MLNR: variants seen among roughly 807,000 people sequenced by gnomAD.
MLNR encodes the protein motilin receptor, also known as G protein-coupled receptor 38.
MLNR carries 16 observed loss-of-function variants against 20.0 expected under a neutral mutation model. The ratio of observed to expected loss-of-function variants is 0.80; its 90% confidence interval spans 0.54 to 1.22. The LOEUF is 1.22. MLNR is among the 50% of genes most tolerant of loss of function. The pLI is 0.00. For synonymous variants in MLNR, 302 were observed against 287.2 expected (o/e 1.05, Z -0.52); for missense variants, 630 against 592.3 (o/e 1.06, Z -0.66).
At position 49,222,248 on chromosome 13, in the gene MLNR, G is replaced by A; in HGVS notation, c.1110G>A (p.Leu370=). 6.2e-7 allele frequency: 1 copy of A among 1,614,098 alleles called. No individual in the cohort carries two copies. The highest frequency in any genetic ancestry group is 8.5e-7 in the Non-Finnish European group (1 of 1,180,024). The part of the protein sequence containing the change: ...KKYRAAAFKL[L]LARKSRPRGF... Reference sequence around the variant, plus strand: ...ACAGAGCGGCGGCCTTTAAACTGCTGCTCGCAAGGAAGTCCAGGCCGAGAG... The same window carrying A: ...ACAGAGCGGCGGCCTTTAAACTGCTACTCGCAAGGAAGTCCAGGCCGAGAG... The change falls in exon 2 of 2, where the codon CTG becomes CTA. Residue 370 remains leucine, a synonymous_variant. Transcript: ENST00000218721.
chr13:49,221,107 TC>T lies in MLNR; in HGVS notation c.772del (p.Leu258CysfsTer51). 6.3e-7 allele frequency: 1 copy of T among 1,591,776 alleles called. No homozygotes were observed. Among genetic ancestry groups the T allele is most frequent in the Non-Finnish European group, 8.5e-7 (1 of 1,177,128 alleles). On this transcript the variant is annotated frameshift_variant, in exon 1 of 2. Transcript: ENST00000218721. LOFTEE classifies it high-confidence loss of function. The stretch of plus-strand genomic sequence containing the variant: ...CTGTGGGTCACCACCGCCTACTTCT[TC>T]CTGCCCTTTCTGTGCCTCAGCATCC... The part of the protein sequence containing the change: ...VMLWVTTAYF[F>X]LPFLCLSILY...
rs763769826 is a variant in MLNR, at chr13:49,220,464, G to T, written c.127G>T (p.Ala43Ser). Residue 43 changes from alanine to serine, a missense_variant, in exon 1 of 2, where the codon GCT becomes TCT. Physicochemically the swap from Ala to Ser is moderately conservative, Grantham distance 99. Transcript: ENST00000218721. The surrounding 1 kb of genome is among the most constrained non-coding windows in gnomAD (Gnocchi z 4.4). ...CCTGGGGGCGCTGGTGCCGGTGACC[G>T]CTGTGTGCCTGTGCCTGTTCGTCGT... ...FPLGALVPVTAVCLCLFVVGV... is the reference protein window; with the variant it reads ...FPLGALVPVTSVCLCLFVVGV... 1.9e-6 allele frequency: 3 copies of T among 1,570,938 alleles called. No individual in the cohort carries two copies. Among genetic ancestry groups the T allele is most frequent in the Non-Finnish European group, 1.7e-6 (2 of 1,161,204 alleles).
chr13:49,220,617 G>T lies in MLNR; in HGVS notation c.280G>T (p.Asp94Tyr). Residue 94 changes from aspartate to tyrosine, a missense_variant, in exon 1 of 2, where the codon GAC becomes TAC. Transcript: ENST00000218721. The surrounding 1 kb of genome is among the most constrained non-coding windows in gnomAD (Gnocchi z 4.4). ...ACTCATCCTGCTCGGGCTGCCGTTC[G>T]ACCTGTACCGCCTCTGGCGCTCGCG... ...DLLILLGLPF[D>Y]LYRLWRSRPW... 6.2e-7 allele frequency: 1 copy of T among 1,612,360 alleles called. No homozygotes were observed. Among genetic ancestry groups the T allele is most frequent in the Non-Finnish European group, 8.5e-7 (1 of 1,179,422 alleles).
Position 49,220,396 on chromosome 13 carries a change from C to A in MLNR, c.59C>A (p.Pro20His). ...GAGGGGGCGCGGGAGCCGCCGTGGC[C>A]CGCGCTGCCGCCTTGCGACGAGCGC... ...GPEGAREPPW[P>H]ALPPCDERRC... is the part of the protein sequence containing the mutation. Residue 20 changes from proline (P) to histidine (H), a missense_variant, in exon 1 of 2, where the codon CCC becomes CAC. Coordinates refer to ENST00000218721, the MANE Select transcript of MLNR (RefSeq NM_001507.1). The surrounding 1 kb of genome is among the most constrained non-coding windows in gnomAD (Gnocchi z 4.4). 1 of 1,506,180 alleles carries A rather than the reference C, an allele frequency of 6.6e-7. No homozygotes were observed. The highest frequency in any genetic ancestry group is 8.8e-7 in the Non-Finnish European group (1 of 1,133,622). 93.3% of individuals were successfully genotyped at this position (1,506,180 alleles called of 1,614,324 possible).
Position 49,220,863 on chromosome 13 carries a change from C to CT in MLNR, c.527dup (p.Val177GlyfsTer161). The CT allele has an allele frequency of 6.3e-7, 1 of 1,577,492 alleles. No homozygotes were observed. Among genetic ancestry groups the CT allele is most frequent in the Non-Finnish European group, 8.6e-7 (1 of 1,163,922 alleles). On this transcript the variant is annotated frameshift_variant, in exon 1 of 2. Transcript: ENST00000218721. LOFTEE classifies it high-confidence loss of function. The surrounding 1 kb of genome is among the most constrained non-coding windows in gnomAD (Gnocchi z 4.4). ...GCTCTCTGCCGGTCCCTTCTTGTTCCTGGTGGGCGTCGAGCAGGACCCCGG... is the reference window on the plus strand; with the variant it reads ...GCTCTCTGCCGGTCCCTTCTTGTTCCTTGGTGGGCGTCGAGCAGGACCCCGG...
chr13:49,221,419 C>G (rs1423940456), intron 1 of MLNR, 181 bp downstream of exon 1: 1 of 677,184 alleles, frequency 1.5e-6, no homozygotes, highest in Non-Finnish European at 2.5e-6. Flanking sequence ...AAAACCATGT[C>G]CTGTCCCCCA....
chr13:49,222,281 C>T lies in MLNR; in HGVS notation c.1143C>T (p.His381=), dbSNP rs200970472. The T allele has an allele frequency of 1.3e-5, 21 of 1,613,790 alleles. No homozygotes were observed. The highest frequency in any genetic ancestry group is 1.5e-5 in the Non-Finnish European group (18 of 1,180,018). The part of the protein sequence containing the change: ...LARKSRPRGF[H]RSRDTAGEVA... ...GGAAGTCCAGGCCGAGAGGCTTCCACAGAAGCAGGGACACTGCGGGGGAAG... is the reference window on the plus strand; with the variant it reads ...GGAAGTCCAGGCCGAGAGGCTTCCATAGAAGCAGGGACACTGCGGGGGAAG... The change falls in exon 2 of 2, where the codon CAC becomes CAT. Residue 381 remains histidine, a synonymous_variant. Coordinates refer to ENST00000218721, the MANE Select transcript of MLNR (RefSeq NM_001507.1).
chr13:49,220,803 C>G lies in MLNR; in HGVS notation c.466C>G (p.Arg156Gly). 1.9e-6 allele frequency: 3 copies of G among 1,569,526 alleles called. No individual in the cohort carries two copies. Among genetic ancestry groups the G allele is most frequent in the African/African-American group, 1.4e-5 (1 of 73,596 alleles). Residue 156 changes from arginine to glycine, a missense_variant, in exon 1 of 2, where the codon CGC becomes GGC. Transcript: ENST00000218721. The surrounding 1 kb of genome is among the most constrained non-coding windows in gnomAD (Gnocchi z 4.4). ...ARVLVTRRRVRALIAVLWAVA... is the reference protein window; with the variant it reads ...ARVLVTRRRVGALIAVLWAVA... The stretch of plus-strand genomic sequence containing the variant: ...CGTCTTGGTCACCCGGCGCCGCGTC[C>G]GCGCGCTCATCGCTGTGCTCTGGGC...
chr13:49,221,896 C>G, intron 1 of MLNR, 144 bp from the exon 2 acceptor site: 1 of 718,258 alleles, frequency 1.4e-6, no homozygotes, highest in Non-Finnish European at 2.3e-6. Flanking sequence ...GTCATTTTTT[C>G]TGGGGTGAGG....
rs1887005266 is a variant in MLNR, at chr13:49,221,157, C to G, written c.820C>G (p.Leu274Val). 1 of 1,590,570 alleles carries G rather than the reference C, an allele frequency of 6.3e-7. No individual in the cohort carries two copies. The highest frequency in any genetic ancestry group is 1.1e-5 in the South Asian group (1 of 90,046). ...SILYGLIGRE[L>V]WSSRRPLRGP... ...CCTCTACGGGCTCATCGGGCGGGAG[C>G]TGTGGAGCAGCCGGCGGCCGCTGCG... is the stretch of plus-strand genomic sequence containing the variant. Residue 274 changes from leucine to valine, a missense_variant, in exon 1 of 2, where the codon CTG (leucine) becomes GTG (valine). Leu to Val is a conservative substitution (Grantham distance 32). Coordinates refer to ENST00000218721, the MANE Select transcript of MLNR (RefSeq NM_001507.1).
At chr13:49,221,479 G>C (rs1887012016) in intron 1 of MLNR, 1 of 559,468 alleles carries the variant, frequency 1.8e-6, no homozygotes, top group African/African-American at 2.0e-5. Context: ...CCCCGGATCC[G>C]ATTCAGTAAC....
chr13:49,222,346 A>T lies in MLNR; in HGVS notation c.1208A>T (p.Glu403Val). The T allele has an allele frequency of 6.2e-7, 1 of 1,613,552 alleles. No individual in the cohort carries two copies. The highest frequency in any genetic ancestry group is 1.1e-5 in the South Asian group (1 of 90,974). ...GGAGGAGACACGGTGGGCTACACCG[A>T]GACAAGCGCTAACGTGAAGACGATG... ...DTGGDTVGYT[E>V]TSANVKTMG Residue 403 changes from glutamate (E) to valine (V), a missense_variant, in exon 2 of 2, where the codon GAG (glutamate) becomes GTG (valine). Physicochemically the swap from Glu to Val is moderately radical, Grantham distance 121. Transcript: ENST00000218721.
rs758433391 is a variant in MLNR, at chr13:49,220,862, C to T, written c.525C>T (p.Phe175=). The change falls in exon 1 of 2, where the codon TTC becomes TTT. Residue 175 remains phenylalanine (F), a synonymous_variant. Coordinates refer to ENST00000218721, the MANE Select transcript of MLNR (RefSeq NM_001507.1). This position sits in a 1 kb window ranked among gnomAD's most constrained non-coding sequence, Gnocchi z 4.4. ...VALLSAGPFL[F]LVGVEQDPGI... ...TGCTCTCTGCCGGTCCCTTCTTGTT[C>T]CTGGTGGGCGTCGAGCAGGACCCCG... 6.3e-7 allele frequency: 1 copy of T among 1,577,806 alleles called. No homozygotes were observed. The highest frequency in any genetic ancestry group is 1.2e-5 in the South Asian group (1 of 85,766).
Position 49,220,948 on chromosome 13 carries a change from C to G in MLNR, c.611C>G (p.Ser204Trp), listed in dbSNP as rs747508449. Residue 204 changes from serine (S) to tryptophan (W), a missense_variant, in exon 1 of 2, where the codon TCG (serine) becomes TGG (tryptophan). Coordinates refer to ENST00000218721, the MANE Select transcript of MLNR (RefSeq NM_001507.1). This position sits in a 1 kb window ranked among gnomAD's most constrained non-coding sequence, Gnocchi z 4.4. ...TARIASSPLA[S>W]SPPLWLSRAP... The stretch of plus-strand genomic sequence containing the variant: ...CGGATCGCCTCCTCGCCTCTCGCCT[C>G]GTCGCCGCCTCTCTGGCTCTCGCGG... The G allele has an allele frequency of 5.8e-5, 87 of 1,511,750 alleles. 1 individual carries two copies. The South Asian group carries it at 1.0e-3, about 17-fold the overall frequency. 93.6% of individuals were successfully genotyped at this position (1,511,750 alleles called of 1,614,324 possible).
At chr13:49,221,271 T>C (rs879473815) in intron 1 of MLNR, 33 bp downstream of exon 1, 11 of 1,541,942 alleles carry the variant, frequency 7.1e-6, no homozygotes, top group South Asian at 4.7e-5. Flanking sequence ...CAAAGACGCC[T>C]GCCTGCAGTC....
chr13:49,220,885 C>T lies in MLNR; in HGVS notation c.548C>T (p.Pro183Leu). 1 of 1,566,738 alleles carries T rather than the reference C, an allele frequency of 6.4e-7. No homozygotes were observed. Residue 183 changes from proline to leucine, a missense_variant, in exon 1 of 2, where the codon CCC becomes CTC. Pro to Leu is a moderately conservative substitution (Grantham distance 98, BLOSUM62 -3). Transcript: ENST00000218721. This position sits in a 1 kb window ranked among gnomAD's most constrained non-coding sequence, Gnocchi z 4.4. ...TTCCTGGTGGGCGTCGAGCAGGACC[C>T]CGGCATCTCCGTAGTCCCGGGCCTC... ...FLFLVGVEQDPGISVVPGLNG... is the reference protein window; with the variant it reads ...FLFLVGVEQDLGISVVPGLNG...
Position 49,220,664 on chromosome 13 carries a change from G to A in MLNR, c.327G>A (p.Leu109=). 6.2e-7 allele frequency: 1 copy of A among 1,607,234 alleles called. No homozygotes were observed. Among genetic ancestry groups the A allele is most frequent in the Non-Finnish European group, 8.5e-7 (1 of 1,177,798 alleles). ...WRSRPWVFGP[L]LCRLSLYVGE... Reference sequence around the variant, plus strand: ...CGCGGCCCTGGGTGTTCGGGCCGCTGCTCTGCCGCCTGTCCCTCTACGTGG... The same window carrying A: ...CGCGGCCCTGGGTGTTCGGGCCGCTACTCTGCCGCCTGTCCCTCTACGTGG... The change falls in exon 1 of 2, where the codon CTG becomes CTA. Residue 109 remains leucine (L), a synonymous_variant. Coordinates refer to ENST00000218721, the MANE Select transcript of MLNR (RefSeq NM_001507.1). The surrounding 1 kb of genome is among the most constrained non-coding windows in gnomAD (Gnocchi z 4.4).
In MLNR at chr13:49,220,779, G is replaced by T; in HGVS notation, c.442G>T (p.Val148Phe). 6.4e-7 allele frequency: 1 copy of T among 1,566,950 alleles called. No homozygotes were observed. Residue 148 changes from valine (V) to phenylalanine (F), a missense_variant, in exon 1 of 2, where the codon GTC becomes TTC. Coordinates refer to ENST00000218721, the MANE Select transcript of MLNR (RefSeq NM_001507.1). This position sits in a 1 kb window ranked among gnomAD's most constrained non-coding sequence, Gnocchi z 4.4. ...CATCTGCCGCCCGCTCCGCGCCCGCGTCTTGGTCACCCGGCGCCGCGTCCG... is the reference window on the plus strand; with the variant it reads ...CATCTGCCGCCCGCTCCGCGCCCGCTTCTTGGTCACCCGGCGCCGCGTCCG... ...LAICRPLRAR[V>F]LVTRRRVRAL...
Position 49,222,102 on chromosome 13 carries a change from A to G in MLNR, c.964A>G (p.Ile322Val), listed in dbSNP as rs2138170890. Residue 322 changes from isoleucine (I) to valine (V), a missense_variant, in exon 2 of 2, where the codon ATA (isoleucine) becomes GTA (valine). Physicochemically the swap from Ile to Val is conservative, Grantham distance 29 (BLOSUM62 3). Transcript: ENST00000218721. Reference protein sequence around the residue: ...LPFHVGRIIYINTEDSRMMYF... With the variant: ...LPFHVGRIIYVNTEDSRMMYF... ...CTTCCACGTTGGCAGAATCATTTAC[A>G]TAAACACGGAAGATTCGCGGATGAT... 2.5e-6 allele frequency: 4 copies of G among 1,614,198 alleles called. No individual in the cohort carries two copies. The highest frequency in any genetic ancestry group is 1.3e-5 in the African/African-American group (1 of 75,030).
Sources: gnomAD v4.1 joint callset for allele counts on GRCh38, gnomAD v4.1.1 for gene constraint, Gnocchi (gnomAD v3.1) non-coding constraint, MANE v1.5 for transcripts, NCBI Gene and HGNC (gene_info 2026-07-23, HGNC 2026-07-21) for gene names.